Variants in MAP4 observed in about 807,000 individuals in gnomAD.
The protein encoded by MAP4 is microtubule-associated protein 4.
MAP4 carries 76 observed loss-of-function variants against 170.2 expected under a neutral mutation model. That is an observed-to-expected ratio of 0.45 (90% CI 0.37 to 0.54). The LOEUF (loss-of-function observed/expected upper bound fraction) is 0.54. MAP4 is among the 20% of genes least tolerant of loss of function. The pLI, the probability that MAP4 is intolerant of heterozygous loss-of-function variation, is 0.00. For missense variants in MAP4, 2,506 were observed against 2,748.0 expected, an observed-to-expected ratio of 0.91 and a Z score of 1.97; for synonymous variants, 909 against 994.5, an observed-to-expected ratio of 0.91 and a Z score of 1.62.
chr3:47,905,320 G>A (rs1223241804), intron 9 of MAP4, among the ~76,000 whole-genome samples: 11 of 152,074 alleles, frequency 7.2e-5, no homozygotes, highest in Admixed American at 7.2e-4. Flanking sequence ...ATAGGGCAAG[G>A]GGTTGGGCTA....
At chr3:48,040,907 G>A (rs1441964760) in intron 1 of MAP4, among the ~76,000 whole-genome samples, 1 of 151,840 alleles carries the variant, frequency 6.6e-6, no homozygotes, top group African/African-American at 2.4e-5. Flanking sequence ...GCCGTTGTTA[G>A]CCAGGCTGGT....
At chr3:48,003,096 A>C (rs1251811802) in intron 1 of MAP4, among the ~76,000 whole-genome samples, 1 of 152,120 alleles carries the variant, frequency 6.6e-6, no homozygotes, top group Non-Finnish European at 1.5e-5. Flanking sequence ...ATGTCAAAGA[A>C]AGACACGCAC....
chr3:48,037,019 A>G (rs2100119073), intron 1 of MAP4, among the ~76,000 whole-genome samples: 1 of 152,226 alleles, frequency 6.6e-6, no homozygotes, highest in Non-Finnish European at 1.5e-5. Context: ...GCTCTCCCCA[A>G]ATCTCAACTA....
At position 47,916,097 on chromosome 3, in the gene MAP4, G is replaced by C; in HGVS notation, c.1730C>G (p.Pro577Arg). 1 of 1,614,198 alleles carries C rather than the reference G, an allele frequency of 6.2e-7. No individual in the cohort carries two copies. Among genetic ancestry groups the C allele is most frequent in the Non-Finnish European group, 8.5e-7 (1 of 1,180,042 alleles). ...TGTTGCCTCTGTTTCTGAGAGTGGT[G>C]GAACATCTTTGGCTGGAGTCACATT... ...ANNVTPAKDV[P>R]PLSETEATPV... Residue 577 changes from proline (P) to arginine (R), a missense_variant, in exon 7 of 21, where the codon CCA becomes CGA. By Grantham distance (103) the Pro-to-Arg change is moderately radical. Around this residue, in one of 3 missense-constraint regions of MAP4, gnomAD observed 2,008 missense variants for 2,206.0 expected, o/e 0.91. Transcript: ENST00000683076.
chr3:47,909,031 T>A lies in MAP4; in HGVS notation c.5383+7A>T, dbSNP rs1356577852. The A allele has an allele frequency of 6.2e-7, 1 of 1,609,684 alleles. No homozygotes were observed. Among genetic ancestry groups the A allele is most frequent in the Non-Finnish European group, 8.5e-7 (1 of 1,178,026 alleles). ...AGCACACACATTTCCCCATGGCAGG[T>A]TCATACCAGCGGACTTCAGTTGCTT... is the stretch of plus-strand genomic sequence containing the variant. On this transcript the variant is annotated splice_region_variant and intron_variant, in intron 9 of 20. Coordinates refer to ENST00000683076, the MANE Select transcript of MAP4 (RefSeq NM_001385682.1).
Position 47,855,877 on chromosome 3 carries a change from G to C in MAP4, c.6584-517C>G, listed in dbSNP as rs17303478. Among the ~76,000 whole-genome samples the C allele has an allele frequency of 0.019, 2,873 of 152,326 alleles. 50 individuals are homozygous for C. The highest frequency in any genetic ancestry group is 0.029 in the Non-Finnish European group (1,943 of 68,022). On this transcript the variant is annotated intron_variant, in intron 18 of 20. Transcript: ENST00000683076. This position sits in a 1 kb window ranked among gnomAD's most constrained non-coding sequence, Gnocchi z 5.1. The stretch of plus-strand genomic sequence containing the variant: ...ACCAATCTGCTGATTGACAGTGACA[G>C]GTTGTGAAAATTGTCTGAGACCCTA...
At chr3:48,007,934 G>T (rs1195123415) in intron 1 of MAP4, among the ~76,000 whole-genome samples, 1 of 152,124 alleles carries the variant, frequency 6.6e-6, no homozygotes, top group Admixed American at 6.6e-5. Flanking sequence ...GCCTCCCAAA[G>T]TGCTGATTAC....
At chr3:48,022,334 A>G (rs2100110973) in intron 1 of MAP4, among the ~76,000 whole-genome samples, 1 of 152,242 alleles carries the variant, frequency 6.6e-6, no homozygotes, top group Non-Finnish European at 1.5e-5. Context: ...GAAGATGATG[A>G]GGTGGGAGGA....
chr3:48,055,864 T>C (rs2100130906), intron 1 of MAP4, among the ~76,000 whole-genome samples: 2 of 119,530 alleles, frequency 1.7e-5, no homozygotes, highest in African/African-American at 3.0e-5. Context: ...CCGCCCCATC[T>C]GGGATGTGAG....
At chr3:47,953,033 A>G (rs191314389) in intron 3 of MAP4, among the ~76,000 whole-genome samples, 1 of 152,318 alleles carries the variant, frequency 6.6e-6, no homozygotes, top group African/African-American at 2.4e-5. Context: ...CACTTTTGAC[A>G]GAAAAACAGG....
In MAP4 at chr3:47,872,082, C is replaced by A. The variant is rs749145870; in HGVS notation, c.5776G>T (p.Ala1926Ser). 7 of 1,611,712 alleles carry A rather than the reference C, an allele frequency of 4.3e-6. No individual in the cohort carries two copies. The highest frequency in any genetic ancestry group is 4.0e-5 in the African/African-American group (3 of 74,896). The change falls in exon 13 of 21, where the codon GCT becomes TCT. Residue 1926 changes from alanine to serine, a missense_variant. This residue lies in a region of MAP4 where 487 missense variants were observed against 511.6 expected (regional missense o/e 0.95). Coordinates refer to ENST00000683076, the MANE Select transcript of MAP4 (RefSeq NM_001385682.1). Reference protein sequence around the residue: ...VKPKPIADAKAPEKRASPSKP... With the variant: ...VKPKPIADAKSPEKRASPSKP... Reference sequence around the variant, plus strand: ...GATGGTGAGGCCCGCTTCTCAGGAGCCTTTGCATCTGCAATGGGCTGGAAA... The same window carrying A: ...GATGGTGAGGCCCGCTTCTCAGGAGACTTTGCATCTGCAATGGGCTGGAAA...
chr3:47,953,377 C>A (rs1211218807), intron 3 of MAP4, among the ~76,000 whole-genome samples: 1 of 152,032 alleles, frequency 6.6e-6, no homozygotes, highest in Non-Finnish European at 1.5e-5. Flanking sequence ...AAAAAATTAA[C>A]CAGGCACAGT....
At chr3:48,070,478 A>G (rs568582057) in intron 1 of MAP4, among the ~76,000 whole-genome samples, 11 of 146,948 alleles carry the variant, frequency 7.5e-5, no homozygotes, top group South Asian at 2.2e-4. Flanking sequence ...ATCTGTTCTG[A>G]GTTTTTTTTA....
intron 1 of MAP4, among the ~76,000 whole-genome samples, chr3:48,013,881 T>C (rs866401319): frequency 5.3e-5 from 8 of 152,144 alleles, no homozygotes; most frequent in South Asian, 2.1e-4. Flanking sequence ...CTGTATTATC[T>C]AACCAGGCAC....
At chr3:47,952,314 G>A (rs1055861779) in intron 3 of MAP4, among the ~76,000 whole-genome samples, 2 of 151,800 alleles carry the variant, frequency 1.3e-5, no homozygotes, top group Non-Finnish European at 2.9e-5. Flanking sequence ...GAGGTGAGGG[G>A]CGCCTCTGCC....
intron 3 of MAP4, among the ~76,000 whole-genome samples, chr3:47,944,006 C>G (rs1333186620): frequency 1.3e-5 from 2 of 152,028 alleles, no homozygotes; most frequent in African/African-American, 4.8e-5. Flanking sequence ...CTCTACACAA[C>G]TTCCTATAAA....
intron 3 of MAP4, among the ~76,000 whole-genome samples, chr3:47,935,134 T>C (rs2100051987): frequency 1.3e-5 from 2 of 152,378 alleles, no homozygotes; most frequent in South Asian, 4.1e-4. Context: ...TTATGGTTTA[T>C]GTAGGACAAG....
At chr3:48,082,922 CG>C (rs1362946938) in intron 1 of MAP4, among the ~76,000 whole-genome samples, 1 of 151,976 alleles carries the variant, frequency 6.6e-6, no homozygotes, top group Non-Finnish European at 1.5e-5. Flanking sequence ...TGCATAACCT[CG>C]GGCTAATCAT....
At chr3:47,999,659 C>T (rs1211355835) in intron 1 of MAP4, among the ~76,000 whole-genome samples, 2 of 152,048 alleles carry the variant, frequency 1.3e-5, no homozygotes, top group East Asian at 1.9e-4. Flanking sequence ...TGATAACTTA[C>T]GAATACAAAG....
Sources: allele counts gnomAD v4.1 joint callset (sites outside exome capture counted in the v4.1 genomes callset), GRCh38; gene constraint gnomAD v4.1.1; regional missense constraint gnomAD v4.1.1; non-coding constraint Gnocchi (gnomAD v3.1); transcripts MANE v1.5; gene names NCBI Gene and HGNC (gene_info 2026-07-23, HGNC 2026-07-21).